Variants in OSBP2 observed in about 807,000 individuals in gnomAD.
OSBP2 encodes oxysterol binding protein 2.
Under a neutral mutation model 96.0 loss-of-function variants are expected in OSBP2, and 66 were observed. The ratio of observed to expected loss-of-function variants is 0.69; its 90% CI spans 0.56 to 0.84. The LOEUF (loss-of-function observed/expected upper bound fraction) is 0.84. Among genes scored for constraint, OSBP2 ranks in the 40% least tolerant of loss-of-function variants. OSBP2 has a pLI of 0.00. For missense variants in OSBP2, 1,038 were observed against 1,222.7 expected (o/e 0.85, Z 2.25); for synonymous variants, 525 against 520.9 (o/e 1.01, Z -0.11).
chr22:30,711,603 G>C (rs906593957), intron 1 of OSBP2, among the ~76,000 whole-genome samples: 1 of 151,990 alleles, frequency 6.6e-6, no homozygotes, highest in Non-Finnish European at 1.5e-5. Flanking sequence ...AGCCAGGCAT[G>C]GCGGTGTGTG....
intron 3 of OSBP2, among the ~76,000 whole-genome samples, chr22:30,885,823 G>A (rs964429934): frequency 3.3e-5 from 5 of 152,238 alleles, no homozygotes; most frequent in African/African-American, 9.6e-5. Context: ...GGGAGGCAGC[G>A]TGCAGACCCG....
intron 1 of OSBP2, among the ~76,000 whole-genome samples, chr22:30,716,506 C>T (rs759836129): frequency 4.6e-5 from 7 of 152,012 alleles, no homozygotes; most frequent in Non-Finnish European, 5.9e-5. Context: ...GGCTCAATCT[C>T]GGCTCACTGC....
At chr22:30,839,767 G>T (rs1017404022) in intron 2 of OSBP2, among the ~76,000 whole-genome samples, 16 of 151,856 alleles carry the variant, frequency 1.1e-4, no homozygotes, top group Non-Finnish European at 1.8e-4. Context: ...AGTAGGTTGC[G>T]AAAATTTTCT....
At chr22:30,768,939 A>G (rs2090313934) in intron 2 of OSBP2, among the ~76,000 whole-genome samples, 1 of 152,242 alleles carries the variant, frequency 6.6e-6, no homozygotes, top group Admixed American at 6.5e-5. Flanking sequence ...TCACTAATCC[A>G]GAGGTGGAGG....
intron 2 of OSBP2, among the ~76,000 whole-genome samples, chr22:30,829,830 TTGAC>T (rs1404603918): frequency 1.3e-5 from 2 of 152,228 alleles, no homozygotes; most frequent in Non-Finnish European, 2.9e-5. Context: ...GTAATAATAT[TTGAC>T]TGGTCCTGAA....
intron 1 of OSBP2, among the ~76,000 whole-genome samples, chr22:30,715,990 C>T (rs1569094095): frequency 6.6e-6 from 1 of 151,696 alleles, no homozygotes; most frequent in Admixed American, 6.6e-5. Flanking sequence ...ATCGGGATTA[C>T]AGGCCTGTGC....
intron 2 of OSBP2, among the ~76,000 whole-genome samples, chr22:30,755,594 G>A (rs2145762852): frequency 6.6e-6 from 1 of 152,236 alleles, no homozygotes; most frequent in South Asian, 2.1e-4. Flanking sequence ...CCATCTGGTG[G>A]CTGGATTGAG....
chr22:30,822,451 A>G, intron 2 of OSBP2: 1 of 1,195,590 alleles, frequency 8.4e-7, no homozygotes, highest in Non-Finnish European at 1.1e-6. Flanking sequence ...GACGGGGTTA[A>G]CGCGCTCATG....
Position 30,906,935 on chromosome 22 carries a change from C to T in OSBP2, c.*596C>T, listed in dbSNP as rs2040347765. 6.6e-6 allele frequency: 1 copy of T among 152,656 alleles called. No individual in the cohort carries two copies. The highest frequency in any genetic ancestry group is 1.5e-5 in the Non-Finnish European group (1 of 68,124). 9.5% of individuals were successfully genotyped at this position (152,656 alleles called of 1,614,324 possible). A position where few individuals can be genotyped will look rare whatever the true frequency, so the allele number is the denominator to read the frequency against. On this transcript the variant is annotated 3_prime_UTR_variant, in exon 14 of 14. Transcript: ENST00000332585. ...GGTATCTGAGCTGCCCACACCCCCA[C>T]CTGCCAAGGCCCCACAGAGCCCAAA...
chr22:30,753,357 A>T (rs763837681), intron 2 of OSBP2, among the ~76,000 whole-genome samples: 3 of 152,114 alleles, frequency 2.0e-5, no homozygotes, highest in African/African-American at 7.2e-5. Context: ...GGTGGTGGGC[A>T]TGGTTGGAGC....
At chr22:30,899,423 AAG>A (rs2040147073) in intron 12 of OSBP2, among the ~76,000 whole-genome samples, 1 of 151,950 alleles carries the variant, frequency 6.6e-6, no homozygotes, top group African/African-American at 2.4e-5. Flanking sequence ...AAAAAAGAAA[AAG>A]AACTGACTCT....
chr22:30,813,466 G>A (rs548135605), intron 2 of OSBP2, among the ~76,000 whole-genome samples: 4 of 152,012 alleles, frequency 2.6e-5, no homozygotes, highest in East Asian at 1.9e-4. Flanking sequence ...GAGCCACTGC[G>A]CCCAGCCACA....
chr22:30,728,246 A>G (rs2089685549), intron 1 of OSBP2, among the ~76,000 whole-genome samples: 1 of 151,878 alleles, frequency 6.6e-6, no homozygotes, highest in African/African-American at 2.4e-5. Context: ...AATACAAAAA[A>G]TTAGCCAGAT....
At chr22:30,864,124 C>CTTA in intron 2 of OSBP2, among the ~76,000 whole-genome samples, 1 of 152,094 alleles carries the variant, frequency 6.6e-6, no homozygotes, top group Non-Finnish European at 1.5e-5. Flanking sequence ...GTGCCCACCA[C>CTTA]CATGCCCAGC....
At chr22:30,788,197 G>C (rs1327492548) in intron 2 of OSBP2, among the ~76,000 whole-genome samples, 2 of 152,152 alleles carry the variant, frequency 1.3e-5, no homozygotes, top group African/African-American at 4.8e-5. Flanking sequence ...TGATGGTGAT[G>C]GTGGGGACAG....
intron 6 of OSBP2, 49 bp downstream of exon 6, chr22:30,889,283 G>A (rs371143233): frequency 8.9e-6 from 14 of 1,564,418 alleles, no homozygotes; most frequent in Non-Finnish European, 1.1e-5. Flanking sequence ...TTCTGGCCTA[G>A]GGGGTGGGAG....
intron 1 of OSBP2, among the ~76,000 whole-genome samples, chr22:30,735,205 A>T (rs2089831234): frequency 6.6e-6 from 1 of 152,116 alleles, no homozygotes; most frequent in South Asian, 2.1e-4. Context: ...AATAAAATAA[A>T]ACCCTTAATA....
intron 2 of OSBP2, among the ~76,000 whole-genome samples, chr22:30,833,957 C>CT (rs147343523): frequency 0.044 from 6,769 of 152,196 alleles, 334 homozygotes; most frequent in African/African-American, 0.12. Flanking sequence ...ATAATCAACA[C>CT]TTGTACACCC....
At chr22:30,814,826 A>G (rs2091061631) in intron 2 of OSBP2, among the ~76,000 whole-genome samples, 1 of 152,242 alleles carries the variant, frequency 6.6e-6, no homozygotes, top group Non-Finnish European at 1.5e-5. Context: ...TCAACCCATT[A>G]CAGGGAGATA....
Sources: gnomAD v4.1 joint callset for allele counts (sites outside exome capture counted in the v4.1 genomes callset) on GRCh38, gnomAD v4.1.1 for gene constraint, MANE v1.5 for transcripts, NCBI Gene and HGNC (gene_info 2026-07-23, HGNC 2026-07-21) for gene names.